TMC2: variants seen among roughly 807,000 people sequenced by gnomAD.
TMC2 encodes the protein transmembrane channel-like protein 2.
A neutral mutation model predicts 105.9 loss-of-function variants in TMC2; 102 were observed. The observed-to-expected ratio is 0.96, with a 90% CI of 0.82 to 1.14. The LOEUF is 1.14. Among genes scored for constraint, TMC2 ranks in the 50% most tolerant of loss-of-function variants. TMC2 has a pLI of 0.00. For missense variants in TMC2, 1,093 were observed against 1,134.3 expected, an observed-to-expected ratio of 0.96 and a Z score of 0.52; for synonymous variants, 402 against 422.8, an observed-to-expected ratio of 0.95 and a Z score of 0.60.
chr20:2,579,595 T>G (rs1441275289), intron 6 of TMC2, among the ~76,000 whole-genome samples: 1 of 151,768 alleles, frequency 6.6e-6, no homozygotes, highest in African/African-American at 2.4e-5. Context: ...CTAATTTTTT[T>G]GTATATTTAA....
intron 13 of TMC2, 21 bp downstream of exon 13, chr20:2,612,361 A>T (rs1253125856): frequency 2.0e-6 from 3 of 1,519,040 alleles, no homozygotes; most frequent in South Asian, 2.7e-5. Context: ...ACACTCTCTA[A>T]AAAGGTGACC....
chr20:2,556,718 AAC>A, intron 2 of TMC2, among the ~76,000 whole-genome samples: 1 of 152,372 alleles, frequency 6.6e-6, no homozygotes, highest in Admixed American at 6.5e-5. Context: ...CAGCCTAGGC[AAC>A]AGAGTCCCTG....
chr20:2,591,187 A>G (rs117011252), intron 7 of TMC2, among the ~76,000 whole-genome samples: 3,294 of 152,254 alleles, frequency 0.022, 58 homozygotes, highest in Non-Finnish European at 0.033. Context: ...ATGTCCAACA[A>G]TAGAGGATTT....
chr20:2,624,463 CA>C, intron 17 of TMC2, 67 bp downstream of exon 17: 6 of 1,551,446 alleles, frequency 3.9e-6, no homozygotes, highest in Non-Finnish European at 5.2e-6. Context: ...ACTTCCTTGG[CA>C]GGTCCTTTTC....
rs143009341 is a variant in TMC2 at position 2,597,244 on chromosome 20, C to A, written c.1170C>A (p.Ile390=). The A allele has an allele frequency of 1.9e-6, 3 of 1,613,920 alleles. No individual in the cohort carries two copies. The highest frequency in any genetic ancestry group is 2.2e-5 in the South Asian group (2 of 91,046). ...TGTTCACCAGCTGGGACTACCTGAT[C>A]GGGAATTCAGAGACAGCTGATAACA... ...FKMFTSWDYL[I]GNSETADNKY... is the part of the protein sequence containing the mutation. Residue 390 remains isoleucine (I), a synonymous_variant, in exon 10 of 20, where the codon ATC becomes ATA. Coordinates refer to ENST00000358864, the MANE Select transcript of TMC2 (RefSeq NM_080751.3).
Position 2,558,926 on chromosome 20 carries a change from A to C in TMC2, c.401+152A>C. 2 of 752,074 alleles carry C rather than the reference A, an allele frequency of 2.7e-6. No individual in the cohort carries two copies. The highest frequency in any genetic ancestry group is 4.1e-6 in the Non-Finnish European group (2 of 484,194). The allele number at this position is 752,074 out of a possible 1,614,324, so 46.6% of individuals were successfully genotyped here. A position where few individuals can be genotyped will look rare whatever the true frequency, so the allele number is the denominator to read the frequency against. ...GCTTCCGTGCCTCCCAGCCCTTACC[A>C]CTGCCCCACTCTGCGGTGGGTTCTT... is the stretch of plus-strand genomic sequence containing the variant. On this transcript the variant is annotated intron_variant, in intron 3 of 19. Coordinates refer to ENST00000358864, the MANE Select transcript of TMC2 (RefSeq NM_080751.3). The surrounding 1 kb of genome is among the most constrained non-coding windows in gnomAD (Gnocchi z 4.6).
chr20:2,545,822 G>GAAGGAAGAAAGA (rs773895243), intron 2 of TMC2, among the ~76,000 whole-genome samples: 68 of 117,968 alleles, frequency 5.8e-4, no homozygotes, highest in African/African-American at 2.3e-3. Context: ...AGAGGAAGAG[G>GAAGGAAGAAAGA]AAGAAAGAAA....
At chr20:2,550,482 G>A (rs532575453) in intron 2 of TMC2, among the ~76,000 whole-genome samples, 2 of 152,224 alleles carry the variant, frequency 1.3e-5, no homozygotes, top group South Asian at 4.1e-4. Context: ...GGGCCAATAC[G>A]GATACATTAT....
intron 16 of TMC2, among the ~76,000 whole-genome samples, chr20:2,619,331 C>G (rs1276899399): frequency 6.6e-6 from 1 of 152,088 alleles, no homozygotes; most frequent in East Asian, 1.9e-4. Flanking sequence ...CTCTGAACAT[C>G]ACAGCCTGTG....
rs977091219 is a variant in TMC2 at position 2,636,057 on chromosome 20, G to A, written c.2385+53G>A. 5 of 1,542,184 alleles carry A rather than the reference G, an allele frequency of 3.2e-6. No homozygotes were observed. The African/African-American group carries it at 6.8e-5, about 21-fold the overall frequency. On this transcript the variant is annotated intron_variant, in intron 18 of 19. Transcript: ENST00000358864. ...ACGGTAAAAAGAGATCATGTTTTTG[G>A]TTTTTGCTAATTTGCTGTGTGAGCC... is the stretch of plus-strand genomic sequence containing the variant.
At chr20:2,639,099 G>T in intron 19 of TMC2, among the ~76,000 whole-genome samples, 1 of 152,302 alleles carries the variant, frequency 6.6e-6, no homozygotes, top group South Asian at 2.1e-4. Context: ...GTTTCACCAT[G>T]TTGGCCAGGC....
At chr20:2,600,608 G>A (rs534567034) in intron 10 of TMC2, among the ~76,000 whole-genome samples, 53 of 152,244 alleles carry the variant, frequency 3.5e-4, no homozygotes, top group South Asian at 6.2e-4. Context: ...AGATCACGAG[G>A]TCAAGAGATC....
rs2122826286 is a variant in TMC2 at position 2,558,688 on chromosome 20, C to T, written c.315C>T (p.Ala105=). The change falls in exon 3 of 20, where the codon GCC becomes GCT. Residue 105 remains alanine, a synonymous_variant. Coordinates refer to ENST00000358864, the MANE Select transcript of TMC2 (RefSeq NM_080751.3). The surrounding 1 kb of genome is among the most constrained non-coding windows in gnomAD (Gnocchi z 4.6). ...CEGRRKRDER[A]SFQERTAAPK... Reference sequence around the variant, plus strand: ...GCAGGAGAAAGCGCGACGAGAGGGCCTCCTTCCAGGAGCGGACAGCAGCCC... The same window carrying T: ...GCAGGAGAAAGCGCGACGAGAGGGCTTCCTTCCAGGAGCGGACAGCAGCCC... 6.2e-7 allele frequency: 1 copy of T among 1,603,756 alleles called. No individual in the cohort carries two copies. Among genetic ancestry groups the T allele is most frequent in the South Asian group, 1.1e-5 (1 of 89,146 alleles).
At chr20:2,594,231 T>C (rs1274130069) in intron 8 of TMC2, among the ~76,000 whole-genome samples, 1 of 145,380 alleles carries the variant, frequency 6.9e-6, no homozygotes, top group Non-Finnish European at 1.5e-5. Context: ...ATTCCTTTTT[T>C]TTTTTTTTTT....
At chr20:2,599,539 A>ATTTTTTTTT (rs11409325) in intron 10 of TMC2, among the ~76,000 whole-genome samples, 16 of 85,514 alleles carry the variant, frequency 1.9e-4, no homozygotes, top group Admixed American at 3.1e-4. Flanking sequence ...CTTTAATTAC[A>ATTTTTTTTT]TTTTTTTTTT....
chr20:2,594,855 G>T lies in TMC2; in HGVS notation c.964G>T (p.Gly322Cys). The change falls in exon 9 of 20, where the codon GGC becomes TGC. Residue 322 changes from glycine (G) to cysteine (C), a missense_variant. Transcript: ENST00000358864. ...GYIKYSALFY[G>C]YYNNQRTIGW... Reference sequence around the variant, plus strand: ...TATCAAGTACTCTGCACTCTTCTATGGCTACTACAACAACCAGAGGACCAT... The same window carrying T: ...TATCAAGTACTCTGCACTCTTCTATTGCTACTACAACAACCAGAGGACCAT... 1.2e-6 allele frequency: 2 copies of T among 1,614,160 alleles called. No individual in the cohort carries two copies. The highest frequency in any genetic ancestry group is 2.2e-5 in the South Asian group (2 of 91,082).
chr20:2,586,836 A>G (rs555730547), intron 7 of TMC2, among the ~76,000 whole-genome samples: 6 of 152,284 alleles, frequency 3.9e-5, no homozygotes, highest in African/African-American at 1.4e-4. Context: ...TTTCCTCTCA[A>G]TACCATTTTA....
chr20:2,594,337 C>A (rs541343612), intron 8 of TMC2, among the ~76,000 whole-genome samples: 213 of 150,100 alleles, frequency 1.4e-3, no homozygotes, highest in Non-Finnish European at 2.2e-3. Context: ...AAGTGATTCT[C>A]CTGCCTCAGC....
chr20:2,574,487 T>G (rs1358461276), intron 5 of TMC2, among the ~76,000 whole-genome samples: 3 of 152,236 alleles, frequency 2.0e-5, no homozygotes, highest in African/African-American at 4.8e-5. Flanking sequence ...ATTTTAAAGA[T>G]GATAACCTTT....
Sources: gnomAD v4.1 joint callset for allele counts (sites outside exome capture counted in the v4.1 genomes callset) on GRCh38, gnomAD v4.1.1 for gene constraint, Gnocchi (gnomAD v3.1) non-coding constraint, MANE v1.5 for transcripts, NCBI Gene and HGNC (gene_info 2026-07-23, HGNC 2026-07-21) for gene names.